The following USH2A variants were observed in gnomAD, a reference collection of about 807,000 sequenced individuals.
USH2A encodes usherin, also known as Usher syndrome 2A (autosomal recessive, mild).
In USH2A, 443 loss-of-function variants were observed where a neutral mutation model predicts 538.9. The observed-to-expected ratio is 0.82, with a 90% CI of 0.76 to 0.89. USH2A has a LOEUF of 0.89. Ranked by LOEUF, USH2A falls within the 40% of genes least tolerant of loss-of-function variation. The probability of loss-of-function intolerance (pLI) is 0.00; values close to 1 mark genes in which losing one functional copy is unlikely to be tolerated. For missense variants in USH2A, 6,633 were observed against 6,324.8 expected, an observed-to-expected ratio of 1.05 and a Z score of -1.65; for synonymous variants, 2,413 against 2,273.5, an observed-to-expected ratio of 1.06 and a Z score of -1.75.
intron 61 of USH2A, among the ~76,000 whole-genome samples, chr1:215,707,591 T>C (rs1361014938): frequency 6.6e-6 from 1 of 152,206 alleles, no homozygotes; most frequent in Non-Finnish European, 1.5e-5. Context: ...GGATAATTGT[T>C]TAAATTTGAC....
intron 63 of USH2A, among the ~76,000 whole-genome samples, chr1:215,673,545 A>T: frequency 6.6e-6 from 1 of 152,182 alleles, no homozygotes; most frequent in Admixed American, 6.5e-5. Flanking sequence ...CGCTAGGAAA[A>T]CATGAGCTAG....
intron 50 of USH2A, among the ~76,000 whole-genome samples, chr1:215,798,706 C>T (rs909035231): frequency 1.1e-4 from 16 of 151,880 alleles, no homozygotes; most frequent in Admixed American, 3.3e-4. Flanking sequence ...AAAATTGATG[C>T]GTTTTTATGA....
chr1:216,204,753 G>A (rs1480073310), intron 16 of USH2A, among the ~76,000 whole-genome samples: 1 of 152,140 alleles, frequency 6.6e-6, no homozygotes, highest in Non-Finnish European at 1.5e-5. Context: ...TAGAAATAGA[G>A]TAATAAACAT....
At chr1:216,088,161 C>T (rs2032192787) in intron 23 of USH2A, among the ~76,000 whole-genome samples, 1 of 152,044 alleles carries the variant, frequency 6.6e-6, no homozygotes. Flanking sequence ...CCAAAGCATC[C>T]TCTTCCTGGA....
At chr1:216,344,625 A>C (rs1175304579) in intron 4 of USH2A, among the ~76,000 whole-genome samples, 1 of 152,012 alleles carries the variant, frequency 6.6e-6, no homozygotes, top group African/African-American at 2.4e-5. Flanking sequence ...AGACTTCAGC[A>C]CTTATTGGCT....
At chr1:215,689,060 C>T (rs573559739) in intron 61 of USH2A, among the ~76,000 whole-genome samples, 18 of 151,910 alleles carry the variant, frequency 1.2e-4, no homozygotes, top group African/African-American at 3.4e-4. Context: ...GAATGAAGGA[C>T]GACTCTTAGG....
At chr1:215,812,846 C>T (rs1244641879) in intron 49 of USH2A, among the ~76,000 whole-genome samples, 4 of 152,148 alleles carry the variant, frequency 2.6e-5, no homozygotes, top group African/African-American at 4.8e-5. Flanking sequence ...GAGGTTGATG[C>T]TTTTTGGTTA....
At chr1:215,781,230 C>G (rs1452807332) in intron 54 of USH2A, among the ~76,000 whole-genome samples, 1 of 152,176 alleles carries the variant, frequency 6.6e-6, no homozygotes, top group Non-Finnish European at 1.5e-5. Flanking sequence ...AGTCACCTCT[C>G]AATCTGGTTT....
intron 15 of USH2A, among the ~76,000 whole-genome samples, chr1:216,214,732 G>A (rs2035310086): frequency 1.3e-5 from 2 of 151,978 alleles, no homozygotes; most frequent in Non-Finnish European, 2.9e-5. Flanking sequence ...TAAAAGGAGA[G>A]CTAGAAGAGG....
intron 50 of USH2A, among the ~76,000 whole-genome samples, chr1:215,798,703 A>G (rs1047516146): frequency 3.3e-5 from 5 of 152,228 alleles, no homozygotes; most frequent in Admixed American, 2.0e-4. Flanking sequence ...AAAAAAATTG[A>G]TGCGTTTTTA....
intron 16 of USH2A, among the ~76,000 whole-genome samples, chr1:216,200,688 T>A (rs1238574074): frequency 6.6e-6 from 1 of 152,184 alleles, no homozygotes; most frequent in Non-Finnish European, 1.5e-5. Flanking sequence ...CTTCTATGCA[T>A]GAAGGATTGT....
At chr1:215,768,463 C>T (rs17025389) in intron 55 of USH2A, among the ~76,000 whole-genome samples, 10,714 of 137,862 alleles carry the variant, frequency 0.078, 742 homozygotes, top group East Asian at 0.36. Flanking sequence ...AGCTTCAGAG[C>T]CCTTTGTATT....
intron 30 of USH2A, among the ~76,000 whole-genome samples, chr1:216,060,568 T>C (rs1002193289): frequency 6.6e-6 from 1 of 152,222 alleles, no homozygotes; most frequent in African/African-American, 2.4e-5. Context: ...TGCCAAACTA[T>C]AGCAAATAGT....
At chr1:215,717,234 C>T (rs1156351616) in intron 61 of USH2A, among the ~76,000 whole-genome samples, 4 of 152,110 alleles carry the variant, frequency 2.6e-5, no homozygotes, top group Admixed American at 6.6e-5. Flanking sequence ...AGAAAAAACT[C>T]CTGGGAAGTG....
chr1:215,709,713 T>G, intron 61 of USH2A, among the ~76,000 whole-genome samples: 1 of 151,794 alleles, frequency 6.6e-6, no homozygotes, highest in South Asian at 2.1e-4. Flanking sequence ...TGCTGACTAT[T>G]ATTGGTAAAA....
In USH2A at chr1:216,161,593, C is replaced by T. The variant is rs528976319; in HGVS notation, c.4627+13659G>A. Among the ~76,000 whole-genome samples, 418 of 151,984 alleles carry T rather than the reference C, an allele frequency of 2.8e-3. 2 individuals are homozygous for T. Among genetic ancestry groups the T allele is most frequent in the Non-Finnish European group, 4.9e-3 (330 of 67,900 alleles). On this transcript the variant is annotated intron_variant, in intron 21 of 71. Coordinates refer to ENST00000307340, the MANE Select transcript of USH2A (RefSeq NM_206933.4). ...TAAATATTACTTTTTATTTACACAC[C>T]TAGTTACCATTTCTAGAGGTTTGCA... is the stretch of plus-strand genomic sequence containing the variant.
intron 10 of USH2A, among the ~76,000 whole-genome samples, chr1:216,289,958 T>G (rs78838037): frequency 0.01 from 1,549 of 152,254 alleles, 21 homozygotes; most frequent in African/African-American, 0.035. Flanking sequence ...AAATAGAAAT[T>G]CATTATATTT....
chr1:215,706,109 C>T (rs1369524828), intron 61 of USH2A, among the ~76,000 whole-genome samples: 1 of 152,140 alleles, frequency 6.6e-6, no homozygotes, highest in East Asian at 1.9e-4. Flanking sequence ...TGTCCATGGT[C>T]ATATAATTGT....
chr1:216,388,432 T>G (rs757441443), intron 3 of USH2A, among the ~76,000 whole-genome samples: 1 of 152,328 alleles, frequency 6.6e-6, no homozygotes, highest in South Asian at 2.1e-4. Flanking sequence ...ACCAACTAAC[T>G]TTACTGTTTT....
Sources: gnomAD v4.1 joint callset for allele counts (sites outside exome capture counted in the v4.1 genomes callset) on GRCh38, gnomAD v4.1.1 for gene constraint, MANE v1.5 for transcripts, NCBI Gene and HGNC (gene_info 2026-07-23, HGNC 2026-07-21) for gene names.